The following ZDHHC21 variants were observed in gnomAD, a reference collection of about 807,000 sequenced individuals.
ZDHHC21 encodes palmitoyltransferase ZDHHC21.
ZDHHC21 carries 15 observed loss-of-function variants against 34.6 expected under a neutral mutation model. That is an observed-to-expected ratio of 0.43 (90% confidence interval 0.29 to 0.67). The LOEUF (loss-of-function observed/expected upper bound fraction) is 0.67, where lower values mean the gene tolerates loss of function less well. Among genes scored for constraint, ZDHHC21 ranks in the 30% least tolerant of loss-of-function variants. ZDHHC21 has a pLI of 0.14. For synonymous variants in ZDHHC21, 142 were observed against 101.8 expected, an observed-to-expected ratio of 1.40 and a Z score of -2.38; for missense variants, 344 against 327.7, an observed-to-expected ratio of 1.05 and a Z score of -0.38.
At chr9:14,592,065 T>C in the ZDHHC21 span, among the ~76,000 whole-genome samples, 1 of 152,146 alleles carries the variant, frequency 6.6e-6, no homozygotes, top group Non-Finnish European at 1.5e-5. Context: ...TACAATTGGA[T>C]GTCTGCATGC....
chr9:14,597,519 G>C, the ZDHHC21 span, among the ~76,000 whole-genome samples: 1 of 152,132 alleles, frequency 6.6e-6, no homozygotes, highest in African/African-American at 2.4e-5. Flanking sequence ...TTCCCTAGCA[G>C]CAGAGTCACC....
At chr9:14,607,015 G>T (rs1043987238), downstream of ZDHHC21, among the ~76,000 whole-genome samples, 7 of 136,410 alleles carry the variant, frequency 5.1e-5, no homozygotes, top group African/African-American at 1.7e-4. Context: ...TTTACCTACA[G>T]AAATACTAAC....
At chr9:14,619,394 G>C (rs975612895) in intron 9 of ZDHHC21, among the ~76,000 whole-genome samples, 4 of 152,040 alleles carry the variant, frequency 2.6e-5, no homozygotes, top group African/African-American at 9.7e-5. Flanking sequence ...GTACTTTCAG[G>C]ACAAATAATT....
At chr9:14,642,167 T>C (rs1237884323) in intron 7 of ZDHHC21, among the ~76,000 whole-genome samples, 1 of 152,206 alleles carries the variant, frequency 6.6e-6, no homozygotes, top group East Asian at 1.9e-4. Context: ...TTATGTAAAA[T>C]ACAGTAGTAA....
intron 8 of ZDHHC21, among the ~76,000 whole-genome samples, 161 bp downstream of exon 8, chr9:14,639,735 C>G (rs1014786137): frequency 1.3e-5 from 2 of 152,006 alleles, no homozygotes; most frequent in Non-Finnish European, 1.5e-5. Context: ...ATACTTTGTA[C>G]TTGATTATAA....
At chr9:14,603,818 C>T in the ZDHHC21 span, among the ~76,000 whole-genome samples, 43 of 152,246 alleles carry the variant, frequency 2.8e-4, 1 homozygote, top group South Asian at 8.7e-3. Flanking sequence ...AGGGGTCGAA[C>T]TCTAAGTATT....
intron 2 of ZDHHC21, among the ~76,000 whole-genome samples, chr9:14,688,130 T>A (rs561737987): frequency 6.6e-6 from 1 of 151,112 alleles, no homozygotes; most frequent in African/African-American, 2.5e-5. Flanking sequence ...AAATTAATCT[T>A]CTACAGATGT....
intron 2 of ZDHHC21, among the ~76,000 whole-genome samples, chr9:14,688,755 G>A (rs1007873921): frequency 6.6e-6 from 1 of 152,104 alleles, no homozygotes; most frequent in Non-Finnish European, 1.5e-5. Context: ...CAAGCTACTC[G>A]GGAGGCTGAG....
chr9:14,671,833 A>T (rs981488904), intron 5 of ZDHHC21, among the ~76,000 whole-genome samples: 3 of 152,162 alleles, frequency 2.0e-5, no homozygotes, highest in Non-Finnish European at 4.4e-5. Context: ...CCATTTTTAA[A>T]CATAGTTAAG....
intron 2 of ZDHHC21, among the ~76,000 whole-genome samples, chr9:14,681,597 G>A (rs1257910185): frequency 6.6e-6 from 1 of 152,050 alleles, no homozygotes; most frequent in Admixed American, 6.6e-5. Context: ...ACAATCTGAG[G>A]GCTGAATTTT....
chr9:14,598,741 T>G, the ZDHHC21 span, among the ~76,000 whole-genome samples: 1 of 152,088 alleles, frequency 6.6e-6, no homozygotes, highest in African/African-American at 2.4e-5. Flanking sequence ...TTTTATTATT[T>G]ATTTAATTAA....
chr9:14,675,897 C>T (rs1215240488), intron 3 of ZDHHC21, among the ~76,000 whole-genome samples: 1 of 151,754 alleles, frequency 6.6e-6, no homozygotes, highest in Non-Finnish European at 1.5e-5. Context: ...ATACTGCAAA[C>T]AGAAGGAATA....
chr9:14,596,108 A>T, the ZDHHC21 span, among the ~76,000 whole-genome samples: 1 of 152,222 alleles, frequency 6.6e-6, no homozygotes, highest in African/African-American at 2.4e-5. Flanking sequence ...CTTTACAAAG[A>T]CTTGTATGTG....
Position 14,612,779 on chromosome 9 carries a change from G to T in ZDHHC21, c.*6187C>A, listed in dbSNP as rs1300874444. ...GTACACATACATATATTTTAAAGGT[G>T]TTCTGTTATCTTTATTTGCAAAGTA... is the stretch of plus-strand genomic sequence containing the variant. On this transcript the variant is annotated 3_prime_UTR_variant, in exon 10 of 10. Coordinates refer to ENST00000380916, the MANE Select transcript of ZDHHC21 (RefSeq NM_178566.6). 6.7e-6 allele frequency: 1 copy of T among 150,178 alleles called. No individual in the cohort carries two copies. The highest frequency in any genetic ancestry group is 1.5e-5 in the Non-Finnish European group (1 of 67,572). The allele number at this position is 150,178 out of a possible 1,614,324, so 9.3% of individuals were successfully genotyped here.
intron 8 of ZDHHC21, among the ~76,000 whole-genome samples, chr9:14,630,703 A>G (rs1827181440): frequency 6.6e-6 from 1 of 152,208 alleles, no homozygotes; most frequent in African/African-American, 2.4e-5. Flanking sequence ...TCCTTGATCC[A>G]TGGCATGCAT....
downstream of ZDHHC21, among the ~76,000 whole-genome samples, chr9:14,608,868 C>T (rs958141335): frequency 2.0e-5 from 3 of 152,042 alleles, no homozygotes; most frequent in African/African-American, 7.2e-5. Flanking sequence ...ATTTTGCACT[C>T]TTATAATACA....
intron 8 of ZDHHC21, among the ~76,000 whole-genome samples, chr9:14,637,160 G>T (rs907622523): frequency 6.6e-6 from 1 of 151,848 alleles, no homozygotes; most frequent in Non-Finnish European, 1.5e-5. Context: ...CCACTTTCAA[G>T]ACTAACCAAG....
At chr9:14,620,868 A>C (rs1342837560) in intron 8 of ZDHHC21, among the ~76,000 whole-genome samples, 1 of 152,040 alleles carries the variant, frequency 6.6e-6, no homozygotes, top group African/African-American at 2.4e-5. Flanking sequence ...TTAGCTACAT[A>C]TTCTATATTC....
At chr9:14,629,994 C>T (rs1350729643) in intron 8 of ZDHHC21, among the ~76,000 whole-genome samples, 3 of 152,204 alleles carry the variant, frequency 2.0e-5, no homozygotes, top group South Asian at 2.1e-4. Context: ...TGCAGTGAGC[C>T]GAGATCACGC....
Sources: gnomAD v4.1 joint callset for allele counts (sites outside exome capture counted in the v4.1 genomes callset) on GRCh38, gnomAD v4.1.1 for gene constraint, MANE v1.5 for transcripts, NCBI Gene and HGNC (gene_info 2026-07-23, HGNC 2026-07-21) for gene names.